The following MYO3A variants were observed in gnomAD, a reference collection of about 807,000 sequenced individuals.
MYO3A encodes myosin IIIA.
Under a neutral mutation model 192.7 loss-of-function variants are expected in MYO3A, and 180 were observed. That is an observed-to-expected ratio of 0.93 (90% CI 0.83 to 1.06). The LOEUF (loss-of-function observed/expected upper bound fraction) is 1.06, where lower values mean the gene tolerates loss of function less well. Ranked by LOEUF, MYO3A falls within the 50% of genes least tolerant of loss-of-function variation. MYO3A has a pLI of 0.00. For missense variants in MYO3A, 1,896 were observed against 1,905.0 expected, an observed-to-expected ratio of 1.00 and a Z score of 0.09; for synonymous variants, 628 against 645.3, an observed-to-expected ratio of 0.97 and a Z score of 0.41.
At chr10:25,997,557 TCATGGTTC>T (rs1280003865) in intron 6 of MYO3A, among the ~76,000 whole-genome samples, 1 of 152,214 alleles carries the variant, frequency 6.6e-6, no homozygotes. Flanking sequence ...AATGACAATC[TCATGGTTC>T]CTACTAGTGA....
At chr10:26,080,590 T>TGGGG (rs372309863) in intron 14 of MYO3A, among the ~76,000 whole-genome samples, 2 of 53,448 alleles carry the variant, frequency 3.7e-5, no homozygotes, top group African/African-American at 1.2e-4. Flanking sequence ...GTAATTTTTT[T>TGGGG]GGGGGGAGGC....
intron 31 of MYO3A, among the ~76,000 whole-genome samples, chr10:26,183,300 G>A (rs954683969): frequency 3.3e-5 from 5 of 152,122 alleles, no homozygotes; most frequent in African/African-American, 9.7e-5. Flanking sequence ...CGAGGCCGGC[G>A]GATCACGAGG....
At chr10:26,158,709 C>G (rs1841301995) in intron 26 of MYO3A, among the ~76,000 whole-genome samples, 1 of 151,434 alleles carries the variant, frequency 6.6e-6, no homozygotes, top group Non-Finnish European at 1.5e-5. Flanking sequence ...TTTTTCAGTT[C>G]TATCATTTCT....
rs143502957 is a variant in MYO3A, at chr10:25,953,122, G to C, written c.168+844G>C. On this transcript the variant is annotated intron_variant, in intron 3 of 34. Transcript: ENST00000642920. ...CAACTGCTCCAATTAACAGACTCTT[G>C]CACACATGATGGGAGCATGGCATGA... Among the ~76,000 whole-genome samples the C allele has an allele frequency of 4.7e-4, 72 of 151,898 alleles. 3 individuals carry two copies. The East Asian group carries it at 0.013, about 27-fold the overall frequency.
chr10:26,005,322 A>T (rs1841118961), intron 6 of MYO3A, among the ~76,000 whole-genome samples: 1 of 152,170 alleles, frequency 6.6e-6, no homozygotes, highest in Non-Finnish European at 1.5e-5. Flanking sequence ...TTAAAAAAAA[A>T]TGTTAAGTTC....
chr10:26,094,659 T>C (rs951609573), intron 15 of MYO3A, among the ~76,000 whole-genome samples: 2 of 152,054 alleles, frequency 1.3e-5, no homozygotes, highest in African/African-American at 4.8e-5. Flanking sequence ...CTCCTGACCT[T>C]GTGATCCGCC....
At chr10:25,942,463 A>G (rs1254004300) in intron 2 of MYO3A, among the ~76,000 whole-genome samples, 5 of 152,214 alleles carry the variant, frequency 3.3e-5, no homozygotes, top group Non-Finnish European at 7.3e-5. Context: ...TATTCAAGAG[A>G]TGAAATTTTT....
At chr10:26,041,818 G>A (rs1843365506) in intron 10 of MYO3A, among the ~76,000 whole-genome samples, 2 of 151,964 alleles carry the variant, frequency 1.3e-5, no homozygotes, top group Non-Finnish European at 2.9e-5. Flanking sequence ...TGTAGTTATT[G>A]TTTTTGATTG....
rs1305423816 is a variant in MYO3A, at chr10:26,066,896, C to T, written c.954-79C>T. ...AATAAACAGATTCCTAGAGGATTTTCAGTATCATATGTATCTAAAACTTTT... is the reference window on the plus strand; with the variant it reads ...AATAAACAGATTCCTAGAGGATTTTTAGTATCATATGTATCTAAAACTTTT... On this transcript the variant is annotated intron_variant, in intron 10 of 34. Transcript: ENST00000642920. The T allele has an allele frequency of 4.6e-6, 4 of 875,138 alleles. No individual in the cohort carries two copies. In the African/African-American group the frequency reaches 6.6e-5, roughly 14 times the overall value. The allele number at this position is 875,138 out of a possible 1,614,324, so 54.2% of individuals were successfully genotyped here. A position where few individuals can be genotyped will look rare whatever the true frequency, so the allele number is the denominator to read the frequency against.
At chr10:26,132,990 C>T (rs1003349699) in intron 20 of MYO3A, among the ~76,000 whole-genome samples, 2 of 152,126 alleles carry the variant, frequency 1.3e-5, no homozygotes, top group South Asian at 2.1e-4. Context: ...TATAAAATAC[C>T]TACATTTTCA....
rs144075853 is a variant in MYO3A, at chr10:26,088,175, T to C, written c.1360-28T>C. The C allele has an allele frequency of 3.1e-5, 47 of 1,506,186 alleles. No homozygotes were observed. In the African/African-American group the frequency reaches 5.9e-4, roughly 19 times the overall value. 93.3% of individuals were successfully genotyped at this position (1,506,186 alleles called of 1,614,324 possible). A position where few individuals can be genotyped will look rare whatever the true frequency, so the allele number is the denominator to read the frequency against. On this transcript the variant is annotated intron_variant, in intron 14 of 34. Coordinates refer to ENST00000642920, the MANE Select transcript of MYO3A (RefSeq NM_017433.5). The stretch of plus-strand genomic sequence containing the variant: ...ATACCAAATTAATTTTTTATGTTTT[T>C]AAAAATATCTTAATATTTTCTATTT...
intron 26 of MYO3A, among the ~76,000 whole-genome samples, chr10:26,162,440 C>T (rs1564611068): frequency 6.6e-6 from 1 of 152,036 alleles, no homozygotes; most frequent in Non-Finnish European, 1.5e-5. Flanking sequence ...TTGGCTCTTT[C>T]TTGCATAAGC....
chr10:25,944,335 C>T (rs1244574551), intron 2 of MYO3A, among the ~76,000 whole-genome samples: 1 of 151,926 alleles, frequency 6.6e-6, no homozygotes, highest in Admixed American at 6.6e-5. Context: ...TGAATCTTCA[C>T]AGAGATATTC....
intron 4 of MYO3A, among the ~76,000 whole-genome samples, chr10:25,989,843 G>A (rs1032161505): frequency 4.6e-5 from 7 of 152,206 alleles, no homozygotes; most frequent in African/African-American, 1.7e-4. Flanking sequence ...TCCCAAGCAG[G>A]TGGGAAAGGA....
chr10:26,211,949 G>C lies in MYO3A; in HGVS notation c.4837G>C (p.Val1613Leu). The C allele has an allele frequency of 3.1e-6, 5 of 1,613,852 alleles. No homozygotes were observed. Among genetic ancestry groups the C allele is most frequent in the Non-Finnish European group, 4.2e-6 (5 of 1,179,926 alleles). ...LRKTSQRRRL[V>L]QQS The stretch of plus-strand genomic sequence containing the variant: ...CAAAACCTCCCAGCGCCGGCGCCTC[G>C]TCCAGCAGTCCTAACCGTTCAACGA... The change falls in exon 35 of 35, where the codon GTC becomes CTC. Residue 1613 changes from valine to leucine, a missense_variant. Physicochemically the swap from Val to Leu is conservative, Grantham distance 32. Transcript: ENST00000642920.
intron 32 of MYO3A, among the ~76,000 whole-genome samples, chr10:26,194,426 C>A (rs911103252): frequency 1.3e-5 from 2 of 152,166 alleles, no homozygotes; most frequent in Non-Finnish European, 2.9e-5. Flanking sequence ...TGCATTCCCT[C>A]ATGCTCCCGA....
At chr10:25,941,563 G>A (rs1380677679) in intron 2 of MYO3A, among the ~76,000 whole-genome samples, 8 of 151,844 alleles carry the variant, frequency 5.3e-5, no homozygotes, top group Admixed American at 5.2e-4. Context: ...CTATTATTTT[G>A]ACCCCCTGTA....
chr10:26,017,799 A>T (rs1029630684), intron 7 of MYO3A, among the ~76,000 whole-genome samples: 1 of 133,744 alleles, frequency 7.5e-6, no homozygotes, highest in African/African-American at 2.5e-5. Flanking sequence ...TTAGAGTAAA[A>T]ATATAAAGTA....
At chr10:25,973,629 T>C (rs1838796668) in intron 4 of MYO3A, among the ~76,000 whole-genome samples, 1 of 152,138 alleles carries the variant, frequency 6.6e-6, no homozygotes, top group Non-Finnish European at 1.5e-5. Flanking sequence ...CATAAATGGC[T>C]CTTATTATTT....
Sources: gnomAD v4.1 joint callset for allele counts (sites outside exome capture counted in the v4.1 genomes callset) on GRCh38, gnomAD v4.1.1 for gene constraint, MANE v1.5 for transcripts, NCBI Gene and HGNC (gene_info 2026-07-23, HGNC 2026-07-21) for gene names.